The following SP140L variants were observed in gnomAD, a reference collection of about 807,000 sequenced individuals.
SP140L encodes the protein SP140 like nuclear body protein.
SP140L carries 64 observed loss-of-function variants against 84.3 expected under a neutral mutation model. The ratio of observed to expected loss-of-function variants is 0.76; its 90% CI spans 0.62 to 0.94. The LOEUF (loss-of-function observed/expected upper bound fraction) is 0.94, where lower values mean the gene tolerates loss of function less well. Ranked by LOEUF, SP140L falls within the 40% of genes least tolerant of loss-of-function variation. The probability of loss-of-function intolerance (pLI) is 0.00; values close to 1 mark genes in which losing one functional copy is unlikely to be tolerated. For missense variants in SP140L, 628 were observed against 692.5 expected (o/e 0.91, Z 1.05); for synonymous variants, 242 against 236.9 (o/e 1.02, Z -0.20).
At position 230,357,839 on chromosome 2, in the gene SP140L, C is replaced by G; in HGVS notation, c.142C>G (p.Leu48Val). ...FTEDQDVDEG[L>V]VYDTVFKHFK... is the part of the protein sequence containing the mutation. ...GGAAGACCAGGATGTAGATGAGGGA[C>G]TTGTCTATGACACTGTATTCAAGCA... The change falls in exon 3 of 19, where the codon CTT (leucine) becomes GTT (valine). Residue 48 changes from leucine to valine, a missense_variant. Leu to Val is a conservative substitution (Grantham distance 32, BLOSUM62 1). This residue lies in a region of SP140L where 525 missense variants were observed against 518.4 expected (regional missense o/e 1.01). Transcript: ENST00000415673. 6.2e-7 allele frequency: 1 copy of G among 1,613,382 alleles called. No individual in the cohort carries two copies. Among genetic ancestry groups the G allele is most frequent in the African/African-American group, 1.3e-5 (1 of 74,972 alleles).
intron 13 of SP140L, among the ~76,000 whole-genome samples, chr2:230,396,315 A>T (rs1210029687): frequency 6.6e-6 from 1 of 152,210 alleles, no homozygotes; most frequent in Non-Finnish European, 1.5e-5. Context: ...AAGACTGTTT[A>T]AAAAAATAAA....
At chr2:230,366,710 CTAT>C (rs60410770) in intron 5 of SP140L, among the ~76,000 whole-genome samples, 15,527 of 144,306 alleles carry the variant, frequency 0.11, 935 homozygotes, top group African/African-American at 0.14. Flanking sequence ...GGATTATTAT[CTAT>C]TATTATTATT....
chr2:230,385,395 A>C (rs1349868633), intron 9 of SP140L, 91 bp downstream of exon 9: 1 of 1,139,744 alleles, frequency 8.8e-7, no homozygotes, highest in Non-Finnish European at 1.3e-6. Context: ...ATTGTTTACT[A>C]GTCAAACTTA....
intron 4 of SP140L, 53 bp downstream of exon 4, chr2:230,359,185 A>T: frequency 6.5e-7 from 1 of 1,529,156 alleles, no homozygotes; most frequent in East Asian, 2.3e-5. Flanking sequence ...TTTTTTCAAT[A>T]AGCATATGTT....
chr2:230,354,392 T>A (rs2060454405), intron 2 of SP140L, among the ~76,000 whole-genome samples: 1 of 152,162 alleles, frequency 6.6e-6, no homozygotes, highest in African/African-American at 2.4e-5. Context: ...TAGAAATAGA[T>A]AGGTAGGAAA....
chr2:230,350,568 A>G (rs1345161950), intron 2 of SP140L, among the ~76,000 whole-genome samples: 2 of 152,262 alleles, frequency 1.3e-5, no homozygotes, highest in African/African-American at 2.4e-5. Flanking sequence ...GTACTCAAGA[A>G]AAATCAATGG....
chr2:230,364,616 T>G (rs1452668965), intron 5 of SP140L, among the ~76,000 whole-genome samples: 7 of 152,138 alleles, frequency 4.6e-5, no homozygotes, highest in Non-Finnish European at 1.0e-4. Flanking sequence ...CCTTTCCACT[T>G]TGGATGTCTT....
chr2:230,359,788 A>G (rs1484434205), intron 4 of SP140L, among the ~76,000 whole-genome samples: 1 of 152,224 alleles, frequency 6.6e-6, no homozygotes, highest in East Asian at 1.9e-4. Context: ...AATAATGAAC[A>G]AGAAAATTAA....
At chr2:230,382,774 G>T (rs1244272415) in intron 7 of SP140L, among the ~76,000 whole-genome samples, 1 of 152,236 alleles carries the variant, frequency 6.6e-6, no homozygotes, top group Non-Finnish European at 1.5e-5. Context: ...GGAAGGAGAT[G>T]ATCCCTTTCT....
intron 2 of SP140L, among the ~76,000 whole-genome samples, chr2:230,336,727 C>T (rs2059893816): frequency 6.6e-6 from 1 of 152,166 alleles, no homozygotes; most frequent in African/African-American, 2.4e-5. Flanking sequence ...TTTTTTACTA[C>T]AATTGTGAGT....
intron 2 of SP140L, among the ~76,000 whole-genome samples, chr2:230,348,286 A>G (rs533192811): frequency 1.5e-4 from 23 of 152,378 alleles, no homozygotes; most frequent in South Asian, 1.2e-3. Context: ...TTATAGTAAC[A>G]GTAACGTGAT....
At chr2:230,344,297 T>C (rs901990388) in intron 2 of SP140L, among the ~76,000 whole-genome samples, 1 of 152,216 alleles carries the variant, frequency 6.6e-6, no homozygotes, top group Admixed American at 6.5e-5. Context: ...TTAAAATCTT[T>C]GTTAGTTTAA....
At chr2:230,377,834 A>G (rs1575507579) in intron 7 of SP140L, among the ~76,000 whole-genome samples, 1 of 131,888 alleles carries the variant, frequency 7.6e-6, no homozygotes, top group Non-Finnish European at 1.6e-5. Flanking sequence ...TAATTTTTTT[A>G]TAAAGTCTAC....
At chr2:230,359,207 CA>C (rs2060640810) in intron 4 of SP140L, 75 bp downstream of exon 4, 1 of 1,292,824 alleles carries the variant, frequency 7.7e-7, no homozygotes, top group Non-Finnish European at 1.1e-6. Flanking sequence ...GAGCTCCTAC[CA>C]TGTGCGATAC....
At chr2:230,349,689 T>C (rs1371594239) in intron 2 of SP140L, among the ~76,000 whole-genome samples, 1 of 152,200 alleles carries the variant, frequency 6.6e-6, no homozygotes, top group Non-Finnish European at 1.5e-5. Flanking sequence ...AACAATATCA[T>C]TGAATAAGTT....
intron 7 of SP140L, among the ~76,000 whole-genome samples, chr2:230,376,393 A>G (rs1187731614): frequency 1.3e-5 from 2 of 152,224 alleles, no homozygotes; most frequent in Non-Finnish European, 2.9e-5. Flanking sequence ...AAATGAATTC[A>G]GTAAAGTTGC....
At chr2:230,358,859 C>A in intron 3 of SP140L, 105 bp from the exon 4 acceptor site, 1 of 896,198 alleles carries the variant, frequency 1.1e-6, no homozygotes, top group Non-Finnish European at 1.7e-6. Context: ...TGAGAAGATA[C>A]CTCTGAAGAG....
chr2:230,377,351 C>G (rs958016707), intron 7 of SP140L, among the ~76,000 whole-genome samples: 1 of 152,116 alleles, frequency 6.6e-6, no homozygotes, highest in Non-Finnish European at 1.5e-5. Flanking sequence ...TTACATCACT[C>G]TAGTTTTGCC....
At chr2:230,378,296 A>G (rs1332420515) in intron 7 of SP140L, among the ~76,000 whole-genome samples, 1 of 152,146 alleles carries the variant, frequency 6.6e-6, no homozygotes, top group Non-Finnish European at 1.5e-5. Flanking sequence ...AGACCCGTGC[A>G]TTTTGAAGAT....
Sources: gnomAD v4.1 joint callset for allele counts (sites outside exome capture counted in the v4.1 genomes callset) on GRCh38, gnomAD v4.1.1 for gene constraint, gnomAD v4.1.1 regional missense constraint, MANE v1.5 for transcripts, NCBI Gene and HGNC (gene_info 2026-07-23, HGNC 2026-07-21) for gene names.